Variants in SUMF1 observed in about 807,000 individuals in gnomAD.
The protein encoded by SUMF1 is formylglycine-generating enzyme.
A neutral mutation model predicts 47.6 loss-of-function variants in SUMF1; 48 were observed. The observed-to-expected ratio is 1.01, with a 90% confidence interval of 0.80 to 1.28. The LOEUF is 1.28. Ranked by LOEUF, SUMF1 falls within the 50% of genes most tolerant of loss-of-function variation. The pLI is 0.00. For missense variants in SUMF1, 571 were observed against 485.4 expected (o/e 1.18, Z -1.66); for synonymous variants, 230 against 192.1 (o/e 1.20, Z -1.63).
chr3:4,383,468 T>C (rs141723284), intron 7 of SUMF1, among the ~76,000 whole-genome samples: 9 of 152,282 alleles, frequency 5.9e-5, no homozygotes, highest in East Asian at 5.8e-4. Context: ...AAGTTATAAA[T>C]TGAGAGGCTT....
At chr3:4,114,095 G>A (rs999271367) in intron 8 of SUMF1, among the ~76,000 whole-genome samples, 2 of 152,058 alleles carry the variant, frequency 1.3e-5, no homozygotes, top group African/African-American at 4.8e-5. Flanking sequence ...GGTGGGAGAT[G>A]TCCCACACTT....
At chr3:4,229,260 G>A (rs996783869) in intron 8 of SUMF1, 17 of 326,942 alleles carry the variant, frequency 5.2e-5, no homozygotes, top group Admixed American at 8.0e-5. Context: ...TGCCCACCCG[G>A]ACAATCATCC....
At chr3:4,153,075 A>G (rs1166344035) in intron 8 of SUMF1, among the ~76,000 whole-genome samples, 4 of 151,610 alleles carry the variant, frequency 2.6e-5, no homozygotes, top group African/African-American at 7.3e-5. Flanking sequence ...GCAAAGTTAC[A>G]GCTACAATCA....
intron 8 of SUMF1, among the ~76,000 whole-genome samples, chr3:4,346,898 T>C (rs1052956367): frequency 1.8e-4 from 28 of 152,170 alleles, no homozygotes; most frequent in African/African-American, 6.0e-4. Context: ...GAGAATACTA[T>C]AAACACCTCT....
rs1476478194 is a variant in SUMF1 at position 4,270,337 on chromosome 3, G to T, written c.1014+105993C>A. ...AAACAGGGAGATCAAGAGAGGGAAAGTCTCTTCCTTCTTCTCTCTTCCTTT... is the reference window on the plus strand; with the variant it reads ...AAACAGGGAGATCAAGAGAGGGAAATTCTCTTCCTTCTTCTCTCTTCCTTT... On this transcript the variant is annotated intron_variant and NMD_transcript_variant, in intron 8 of 12. Coordinates refer to the SUMF1 transcript ENST00000448413. Among the ~76,000 whole-genome samples the T allele has an allele frequency of 2.6e-5, 4 of 152,000 alleles. No homozygotes were observed. In the East Asian group the frequency reaches 5.8e-4, roughly 22 times the overall value.
chr3:4,215,346 T>A (rs1217959012), intron 8 of SUMF1, among the ~76,000 whole-genome samples: 1 of 152,038 alleles, frequency 6.6e-6, no homozygotes, highest in Non-Finnish European at 1.5e-5. Context: ...AAATTCAACA[T>A]CCCTTCATGC....
chr3:4,071,699 C>T (rs1381887157), intron 8 of SUMF1, among the ~76,000 whole-genome samples: 1 of 152,206 alleles, frequency 6.6e-6, no homozygotes, highest in Admixed American at 6.5e-5. Context: ...GAAGCTCAAA[C>T]TGGGTGGAGC....
At chr3:4,035,961 G>A (rs942937359) in intron 9 of SUMF1, among the ~76,000 whole-genome samples, 16 of 152,154 alleles carry the variant, frequency 1.1e-4, no homozygotes, top group Non-Finnish European at 5.9e-5. Context: ...TAGCCTATGT[G>A]ACCAATGGCC....
intron 8 of SUMF1, among the ~76,000 whole-genome samples, chr3:4,335,791 C>T (rs1326470590): frequency 6.6e-6 from 1 of 151,808 alleles, no homozygotes; most frequent in African/African-American, 2.4e-5. Flanking sequence ...GAAACCCCAT[C>T]TCTACTAAAA....
At chr3:4,056,696 A>G (rs1695196841) in intron 9 of SUMF1, among the ~76,000 whole-genome samples, 1 of 151,990 alleles carries the variant, frequency 6.6e-6, no homozygotes, top group Admixed American at 6.6e-5. Context: ...GGGTAATAGA[A>G]TTATGTGTGG....
intron 8 of SUMF1, among the ~76,000 whole-genome samples, chr3:4,123,361 A>T (rs1035416574): frequency 2.6e-5 from 4 of 152,178 alleles, no homozygotes; most frequent in African/African-American, 7.2e-5. Flanking sequence ...CATATTCTGC[A>T]CACAGTGAAC....
chr3:4,138,526 G>C (rs1693997264), intron 8 of SUMF1, among the ~76,000 whole-genome samples: 1 of 152,050 alleles, frequency 6.6e-6, no homozygotes, highest in African/African-American at 2.4e-5. Context: ...CAGCCACATG[G>C]ACAGTATGTG....
chr3:4,398,350 C>T (rs543497592), intron 7 of SUMF1, among the ~76,000 whole-genome samples: 3 of 151,986 alleles, frequency 2.0e-5, no homozygotes, highest in Non-Finnish European at 2.9e-5. Context: ...AAAACTTCTA[C>T]GTGTGGATAT....
chr3:4,379,769 G>A (rs968723162), intron 7 of SUMF1, among the ~76,000 whole-genome samples: 10 of 151,138 alleles, frequency 6.6e-5, no homozygotes, highest in South Asian at 2.1e-4. Context: ...TTGAATCCGC[G>A]AGGCGGAGGT....
chr3:4,403,286 A>C (rs1701272989), intron 7 of SUMF1, among the ~76,000 whole-genome samples: 1 of 152,178 alleles, frequency 6.6e-6, no homozygotes, highest in African/African-American at 2.4e-5. Context: ...GGCATCCACT[A>C]ACCAAACTCT....
chr3:4,072,119 C>T (rs890173266), intron 8 of SUMF1, among the ~76,000 whole-genome samples: 4 of 152,146 alleles, frequency 2.6e-5, no homozygotes, highest in African/African-American at 9.7e-5. Context: ...ATTTGCTGTT[C>T]TGCAGCCTCC....
At chr3:4,053,055 C>T (rs546648397) in intron 9 of SUMF1, among the ~76,000 whole-genome samples, 1 of 152,314 alleles carries the variant, frequency 6.6e-6, no homozygotes, top group East Asian at 1.9e-4. Flanking sequence ...ACCTTCCTCA[C>T]TAAGCTTAAT....
chr3:4,327,711 T>C (rs1168678301), intron 8 of SUMF1, among the ~76,000 whole-genome samples: 1 of 152,156 alleles, frequency 6.6e-6, no homozygotes, highest in Non-Finnish European at 1.5e-5. Context: ...ATTTTTAACA[T>C]AGCAAATAAG....
At chr3:4,331,496 C>T (rs1699051192) in intron 8 of SUMF1, among the ~76,000 whole-genome samples, 1 of 152,104 alleles carries the variant, frequency 6.6e-6, no homozygotes, top group Non-Finnish European at 1.5e-5. Context: ...AAGGACAATG[C>T]CTGGAGCTAG....
Sources: gnomAD v4.1 joint callset for allele counts (sites outside exome capture counted in the v4.1 genomes callset) on GRCh38, gnomAD v4.1.1 for gene constraint, MANE v1.5 for transcripts, NCBI Gene and HGNC (gene_info 2026-07-23, HGNC 2026-07-21) for gene names.